SLC46A2: variants seen among roughly 807,000 people sequenced by gnomAD.
The protein encoded by SLC46A2 is thymic stromal co-transporter.
In SLC46A2, 25 loss-of-function variants were observed where a neutral mutation model predicts 33.1. That is an observed-to-expected ratio of 0.76 (90% CI 0.55 to 1.06). SLC46A2 has a LOEUF of 1.06. Ranked by LOEUF, SLC46A2 falls within the 50% of genes least tolerant of loss-of-function variation. SLC46A2 has a pLI of 0.00. For missense variants in SLC46A2, 622 were observed against 621.7 expected, an observed-to-expected ratio of 1.00 and a Z score of 0.00; for synonymous variants, 254 against 275.9, an observed-to-expected ratio of 0.92 and a Z score of 0.79.
Position 112,890,696 on chromosome 9 carries a change from G to A in SLC46A2, c.-15C>T. The A allele has an allele frequency of 6.3e-7, 1 of 1,577,368 alleles. No individual in the cohort carries two copies. The highest frequency in any genetic ancestry group is 8.6e-7 in the Non-Finnish European group (1 of 1,168,366). On this transcript the variant is annotated 5_prime_UTR_variant, in exon 1 of 4. Transcript: ENST00000374228. This position sits in a 1 kb window ranked among gnomAD's most constrained non-coding sequence, Gnocchi z 6.0. ...TCGGGGCTCATGTGACCTCTCTGAT[G>A]GGGATCGAAGGGCTTTCTGGCTGCA...
Position 112,890,381 on chromosome 9 carries a change from C to T in SLC46A2, c.301G>A (p.Asp101Asn). 3 of 1,614,058 alleles carry T rather than the reference C, an allele frequency of 1.9e-6. No homozygotes were observed. Among genetic ancestry groups the T allele is most frequent in the South Asian group, 1.1e-5 (1 of 91,070 alleles). Residue 101 changes from aspartate (D) to asparagine (N), a missense_variant, in exon 1 of 4, where the codon GAC becomes AAC. Physicochemically the swap from Asp to Asn is conservative, Grantham distance 23. Coordinates refer to ENST00000374228, the MANE Select transcript of SLC46A2 (RefSeq NM_033051.4). The surrounding 1 kb of genome is among the most constrained non-coding windows in gnomAD (Gnocchi z 6.0). ...ATGGAGATCTTTCGGTGGTAGCGGT[C>T]GCTGAGCCATCCCAGCCCGTAGGCG... ...LSAYGLGWLS[D>N]RYHRKISICM...
chr9:112,889,973 TG>T lies in SLC46A2; in HGVS notation c.708del (p.Ser237AlafsTer67). 1 of 1,614,150 alleles carries T rather than the reference TG, an allele frequency of 6.2e-7. No individual in the cohort carries two copies. The highest frequency in any genetic ancestry group is 8.5e-7 in the Non-Finnish European group (1 of 1,180,000). ...GTATCCACGGCGGGGAGCTCCTGGC[TG>T]GGTTTGGCCACCGACTCAGGGACCT... ...VLKVPESVAK[P>X]SQELPAVDTV... On this transcript the variant is annotated frameshift_variant, in exon 1 of 4. Transcript: ENST00000374228. LOFTEE classifies it high-confidence loss of function.
At chr9:112,885,440 G>GTATATATATATATGTGTATATA (rs1554759747) in intron 3 of SLC46A2, 1 of 147,498 alleles carries the variant, frequency 6.8e-6, no homozygotes, top group African/African-American at 2.5e-5. Context: ...ATATATATGT[G>GTATATATATATATGTGTATATA]TATATATATA....
chr9:112,880,068 T>C (rs1363505107), intron 3 of SLC46A2: 2 of 385,566 alleles, frequency 5.2e-6, no homozygotes, highest in Admixed American at 3.9e-5. Context: ...TGGTGGCTTA[T>C]GCCTGTAATC....
chr9:112,890,805 AGCGCG>A lies in SLC46A2; in HGVS notation c.-129_-125del, dbSNP rs1827220826. ...GCGCGAGTGTGCTCCGTGCGCCGGG[AGCGCG>A]AGTGTGCTCCGTGCGCCGGGAGCGC... On this transcript the variant is annotated 5_prime_UTR_variant, in exon 1 of 4. Coordinates refer to ENST00000374228, the MANE Select transcript of SLC46A2 (RefSeq NM_033051.4). The surrounding 1 kb of genome is among the most constrained non-coding windows in gnomAD (Gnocchi z 6.0). The A allele has an allele frequency of 8.7e-6, 10 of 1,147,028 alleles. No individual in the cohort carries two copies. In the East Asian group the frequency reaches 2.5e-4, roughly 29 times the overall value. 71.1% of individuals were successfully genotyped at this position (1,147,028 alleles called of 1,614,324 possible).
chr9:112,879,867 G>A (rs768541625), intron 3 of SLC46A2, 48 bp from the exon 4 acceptor site: 9 of 1,566,050 alleles, frequency 5.7e-6, no homozygotes, highest in Non-Finnish European at 7.9e-6. Flanking sequence ...CTGGAATGGG[G>A]TAAAGGTGAA....
Position 112,890,467 on chromosome 9 carries a change from C to T in SLC46A2, c.215G>A (p.Arg72Lys), listed in dbSNP as rs1343242472. ...GATAATGTAGAAATTGGAGATGGCT[C>T]TCTGCTGTTGGTCCTCTAGAGCCCC... Reference protein sequence around the residue: ...PRGALEDQQQRAISNFYIIYN... With the variant: ...PRGALEDQQQKAISNFYIIYN... Residue 72 changes from arginine (R) to lysine (K), a missense_variant, in exon 1 of 4, where the codon AGA becomes AAA. Coordinates refer to ENST00000374228, the MANE Select transcript of SLC46A2 (RefSeq NM_033051.4). This position sits in a 1 kb window ranked among gnomAD's most constrained non-coding sequence, Gnocchi z 6.0. 1.9e-6 allele frequency: 3 copies of T among 1,614,118 alleles called. No individual in the cohort carries two copies. Among genetic ancestry groups the T allele is most frequent in the Non-Finnish European group, 2.5e-6 (3 of 1,180,056 alleles).
intron 3 of SLC46A2, among the ~76,000 whole-genome samples, chr9:112,886,033 C>T (rs74511367): frequency 0.045 from 6,871 of 152,256 alleles, 367 homozygotes; most frequent in South Asian, 0.18. Context: ...AGATTTCAGC[C>T]GCACTGAGCA....
At position 112,889,563 on chromosome 9, in the gene SLC46A2, C is replaced by G. The variant is rs1564306518; in HGVS notation, c.1119G>C (p.Met373Ile). ...LLLAFVKETY[M>I]FYIARAVMLF... Reference sequence around the variant, plus strand: ...GAATGACAGACTCACCAATATAGAACATGTATGTCTCTTTCACAAAAGCCA... The same window carrying G: ...GAATGACAGACTCACCAATATAGAAGATGTATGTCTCTTTCACAAAAGCCA... Residue 373 changes from methionine to isoleucine, a missense_variant, in exon 1 of 4, where the codon ATG becomes ATC. Coordinates refer to ENST00000374228, the MANE Select transcript of SLC46A2 (RefSeq NM_033051.4). The G allele has an allele frequency of 3.1e-6, 5 of 1,611,260 alleles. No homozygotes were observed. The South Asian group carries it at 5.5e-5, about 18-fold the overall frequency.
At position 112,887,912 on chromosome 9, in the gene SLC46A2, AGTGT is replaced by A. The variant is rs34424153; in HGVS notation, c.1130-503_1130-500del. On this transcript the variant is annotated intron_variant, in intron 1 of 3. Transcript: ENST00000374228. ...CAAGCTCTATTGATTATCCAGATGC[AGTGT>A]GTGTGTGTGTGTGTGTGTGTGTGTG... Among the ~76,000 whole-genome samples, 799 of 142,296 alleles carry A rather than the reference AGTGT, an allele frequency of 5.6e-3. 4 individuals are homozygous for A. The highest frequency in any genetic ancestry group is 0.017 in the South Asian group (75 of 4,372). 93.4% of individuals were successfully genotyped at this position (142,296 alleles called of 152,430 possible).
At chr9:112,881,723 G>C (rs970492087) in intron 3 of SLC46A2, 2 of 152,338 alleles carry the variant, frequency 1.3e-5, no homozygotes, top group East Asian at 3.9e-4. Flanking sequence ...TACAGGGAGA[G>C]CCAAATAGCC....
chr9:112,879,572 A>G lies in SLC46A2; in HGVS notation c.*190T>C. The G allele has an allele frequency of 1.8e-6, 1 of 548,680 alleles. No homozygotes were observed. The allele number at this position is 548,680 out of a possible 1,614,324, so 34.0% of individuals were successfully genotyped here. A position where few individuals can be genotyped will look rare whatever the true frequency, so the allele number is the denominator to read the frequency against. Reference sequence around the variant, plus strand: ...TTAAAGCTGAGAACGTTTTTCCATCACCAGGAAAGTGCTTTTCCCCATCCA... The same window carrying G: ...TTAAAGCTGAGAACGTTTTTCCATCGCCAGGAAAGTGCTTTTCCCCATCCA... On this transcript the variant is annotated 3_prime_UTR_variant, in exon 4 of 4. Transcript: ENST00000374228.
At chr9:112,886,740 T>A in intron 2 of SLC46A2, 124 bp from the exon 3 acceptor site, 1 of 1,018,208 alleles carries the variant, frequency 9.8e-7, no homozygotes, top group Non-Finnish European at 1.4e-6. Context: ...CTCTCTTTTT[T>A]TAGAGACAGA....
chr9:112,887,942 TGTGTGAGAGAGA>T (rs969467792), intron 1 of SLC46A2, among the ~76,000 whole-genome samples: 3 of 143,974 alleles, frequency 2.1e-5, no homozygotes, highest in African/African-American at 8.2e-5. Flanking sequence ...TGTGTGTGTG[TGTGTGAGAGAGA>T]GAGAGAGAGA....
chr9:112,888,265 G>A (rs1028905110), intron 1 of SLC46A2, among the ~76,000 whole-genome samples: 8 of 151,852 alleles, frequency 5.3e-5, no homozygotes, highest in Non-Finnish European at 1.5e-5. Context: ...CAACAAGAGT[G>A]AAACTCCATC....
At chr9:112,879,942 G>A (rs1490458713) in intron 3 of SLC46A2, 123 bp from the exon 4 acceptor site, 6 of 831,778 alleles carry the variant, frequency 7.2e-6, no homozygotes, top group Non-Finnish European at 1.2e-5. Context: ...GGTAGGCATT[G>A]ACCAAGGTGT....
chr9:112,889,491 G>A, intron 1 of SLC46A2, 62 bp downstream of exon 1: 1 of 1,522,688 alleles, frequency 6.6e-7, no homozygotes, highest in East Asian at 2.3e-5. Context: ...GGCATCCCTG[G>A]TGTCAGCCCC....
At chr9:112,884,047 G>A (rs1209269170) in intron 3 of SLC46A2, among the ~76,000 whole-genome samples, 1 of 152,130 alleles carries the variant, frequency 6.6e-6, no homozygotes, top group Non-Finnish European at 1.5e-5. Flanking sequence ...TATATTGGAG[G>A]GCATGAGGGG....
Position 112,890,219 on chromosome 9 carries a change from C to T in SLC46A2, c.463G>A (p.Gly155Arg). The T allele has an allele frequency of 6.2e-7, 1 of 1,613,116 alleles. No individual in the cohort carries two copies. Among genetic ancestry groups the T allele is most frequent in the Non-Finnish European group, 8.5e-7 (1 of 1,179,898 alleles). The stretch of plus-strand genomic sequence containing the variant: ...CCCAGCGATCCCAGCGCCATGACCC[C>T]GGACCAGAAGGCGGAGAAGCCGCCG... Reference protein sequence around the residue: ...LFGGFSAFWSGVMALGSLGSS... With the variant: ...LFGGFSAFWSRVMALGSLGSS... Residue 155 changes from glycine to arginine, a missense_variant, in exon 1 of 4, where the codon GGG (glycine) becomes AGG (arginine). Coordinates refer to ENST00000374228, the MANE Select transcript of SLC46A2 (RefSeq NM_033051.4). The surrounding 1 kb of genome is among the most constrained non-coding windows in gnomAD (Gnocchi z 6.0).
Sources: allele counts gnomAD v4.1 joint callset (sites outside exome capture counted in the v4.1 genomes callset), GRCh38; gene constraint gnomAD v4.1.1; non-coding constraint Gnocchi (gnomAD v3.1); transcripts MANE v1.5; gene names NCBI Gene and HGNC (gene_info 2026-07-23, HGNC 2026-07-21).